MXI1: variants seen among roughly 807,000 people sequenced by gnomAD.
The protein encoded by MXI1 is max-interacting protein 1.
In MXI1, 18 loss-of-function variants were observed where a neutral mutation model predicts 36.9. The observed-to-expected ratio is 0.49, with a 90% confidence interval of 0.34 to 0.72. The LOEUF is 0.72. Ranked by LOEUF, MXI1 falls within the 30% of genes least tolerant of loss-of-function variation. The pLI is 0.01. For synonymous variants in MXI1, 160 were observed against 146.7 expected (o/e 1.09, Z -0.65); for missense variants, 304 against 379.1 (o/e 0.80, Z 1.64).
rs1857406514 is a variant in MXI1 at position 110,285,492 on chromosome 10, A to C, written c.*505A>C. ...ATTAAAACTCAGCCTGGGACAGTTT[A>C]TCATGAAGCCTGTGGATGATCAATC... On this transcript the variant is annotated 3_prime_UTR_variant, in exon 6 of 6. Transcript: ENST00000332674. 1 of 152,550 alleles carries C rather than the reference A, an allele frequency of 6.6e-6. No individual in the cohort carries two copies. Among genetic ancestry groups the C allele is most frequent in the South Asian group, 2.1e-4 (1 of 4,830 alleles). The allele number at this position is 152,550 out of a possible 1,614,324, so 9.4% of individuals were successfully genotyped here.
chr10:110,223,528 C>T (rs748162579), intron 1 of MXI1, among the ~76,000 whole-genome samples: 8 of 151,934 alleles, frequency 5.3e-5, no homozygotes, highest in Non-Finnish European at 7.4e-5. Flanking sequence ...GCCGAGATCG[C>T]GCCACTGCAC....
chr10:110,224,130 G>T (rs1169163188), intron 1 of MXI1, among the ~76,000 whole-genome samples: 2 of 152,140 alleles, frequency 1.3e-5, no homozygotes, highest in African/African-American at 4.8e-5. Flanking sequence ...TCTCAAGATG[G>T]TATTTTCTGC....
intron 2 of MXI1, among the ~76,000 whole-genome samples, chr10:110,240,370 G>T (rs1564713309): frequency 6.6e-6 from 1 of 151,958 alleles, no homozygotes; most frequent in Admixed American, 6.6e-5. Context: ...AGTTATTGTT[G>T]TGCATCCTGT....
intron 3 of MXI1, chr10:110,261,195 C>A: frequency 1.1e-6 from 1 of 929,000 alleles, no homozygotes; most frequent in Middle Eastern, 5.5e-4. Flanking sequence ...ATAAAAGTAG[C>A]TTTTAAATAA....
At chr10:110,274,872 A>ATTTTTTTTTTT (rs66570053) in intron 3 of MXI1, among the ~76,000 whole-genome samples, 1 of 110,002 alleles carries the variant, frequency 9.1e-6, no homozygotes, top group Non-Finnish European at 1.8e-5. Flanking sequence ...GTGAATAAGG[A>ATTTTTTTTTTT]TTTTTTTTTT....
intron 2 of MXI1, among the ~76,000 whole-genome samples, chr10:110,228,866 GA>G (rs944985107): frequency 1.3e-4 from 19 of 151,092 alleles, no homozygotes; most frequent in East Asian, 5.8e-4. Context: ...AAGCAAAAAG[GA>G]AAAAAAAATC....
At chr10:110,270,937 T>TA (rs1362001826) in intron 3 of MXI1, among the ~76,000 whole-genome samples, 2 of 150,926 alleles carry the variant, frequency 1.3e-5, no homozygotes, top group South Asian at 2.1e-4. Context: ...TAAAATAAAA[T>TA]AAAAAAAAAT....
At chr10:110,233,160 A>C (rs1262206769) in intron 2 of MXI1, among the ~76,000 whole-genome samples, 1 of 152,168 alleles carries the variant, frequency 6.6e-6, no homozygotes, top group Non-Finnish European at 1.5e-5. Context: ...TAAAAGCAGT[A>C]TCTCAGTTCC....
intron 3 of MXI1, among the ~76,000 whole-genome samples, chr10:110,252,376 A>G (rs1680800349): frequency 6.6e-6 from 1 of 152,120 alleles, no homozygotes; most frequent in African/African-American, 2.4e-5. Flanking sequence ...GCACCACTCT[A>G]TCCCTTCTGT....
At chr10:110,260,154 A>C (rs910416798) in intron 3 of MXI1, among the ~76,000 whole-genome samples, 2 of 152,062 alleles carry the variant, frequency 1.3e-5, no homozygotes, top group African/African-American at 4.8e-5. Context: ...ATGCATTGAC[A>C]TGAGTATCGT....
chr10:110,261,352 T>C (rs1393316781), intron 3 of MXI1, among the ~76,000 whole-genome samples: 4 of 152,042 alleles, frequency 2.6e-5, no homozygotes, highest in South Asian at 2.1e-4. Flanking sequence ...CTGTGTTTAA[T>C]TGCAGCCTTC....
In MXI1 at chr10:110,285,094, CAA is replaced by C; in HGVS notation, c.*110_*111del. The C allele has an allele frequency of 1.9e-6, 2 of 1,028,712 alleles. No homozygotes were observed. Among genetic ancestry groups the C allele is most frequent in the Non-Finnish European group, 2.7e-6 (2 of 747,758 alleles). 63.7% of individuals were successfully genotyped at this position (1,028,712 alleles called of 1,614,324 possible). On this transcript the variant is annotated 3_prime_UTR_variant, in exon 6 of 6. Transcript: ENST00000332674. ...ATGCAGTCTCCTCTTTAAAACAAAA[CAA>C]AACAAAACAAAACTATACTTGAACA...
At chr10:110,254,609 A>G (rs1181535932) in intron 3 of MXI1, among the ~76,000 whole-genome samples, 1 of 152,176 alleles carries the variant, frequency 6.6e-6, no homozygotes, top group Non-Finnish European at 1.5e-5. Context: ...TGTGAATGCA[A>G]AGGGAAAGTT....
At chr10:110,229,632 A>G (rs954749645) in intron 2 of MXI1, among the ~76,000 whole-genome samples, 1 of 152,244 alleles carries the variant, frequency 6.6e-6, no homozygotes, top group Non-Finnish European at 1.5e-5. Flanking sequence ...TTCTTAAGTT[A>G]TAAAAATAAT....
intron 2 of MXI1, among the ~76,000 whole-genome samples, chr10:110,230,529 A>G (rs1590346285): frequency 6.6e-6 from 1 of 152,368 alleles, no homozygotes; most frequent in East Asian, 1.9e-4. Context: ...TTTAGAATAT[A>G]TTATCTCAAG....
At chr10:110,233,388 GT>G (rs1855341313) in intron 2 of MXI1, among the ~76,000 whole-genome samples, 1 of 152,024 alleles carries the variant, frequency 6.6e-6, no homozygotes, top group South Asian at 2.1e-4. Flanking sequence ...TCCTAGGATA[GT>G]TTCAAAGGAT....
At chr10:110,283,279 TG>T (rs1296656986) in intron 5 of MXI1, among the ~76,000 whole-genome samples, 8 of 151,630 alleles carry the variant, frequency 5.3e-5, no homozygotes, top group Admixed American at 1.3e-4. Context: ...TTTTTTTTTT[TG>T]AGAGAGAGTG....
chr10:110,209,430 A>G (rs1854451500), intron 1 of MXI1, among the ~76,000 whole-genome samples: 1 of 152,190 alleles, frequency 6.6e-6, no homozygotes, highest in Non-Finnish European at 1.5e-5. Context: ...CCTCAGACAC[A>G]AAAACACCAT....
chr10:110,256,110 A>G (rs1856282703), intron 3 of MXI1, among the ~76,000 whole-genome samples: 1 of 152,190 alleles, frequency 6.6e-6, no homozygotes. Flanking sequence ...TACATACAAA[A>G]TAATGAGGTT....
Sources: allele counts gnomAD v4.1 joint callset (sites outside exome capture counted in the v4.1 genomes callset), GRCh38; gene constraint gnomAD v4.1.1; transcripts MANE v1.5; gene names NCBI Gene and HGNC (gene_info 2026-07-23, HGNC 2026-07-21).